The following UBE3A variants were observed in gnomAD, a reference collection of about 807,000 sequenced individuals.
UBE3A encodes the protein ubiquitin-protein ligase E3A.
Under a neutral mutation model 83.4 loss-of-function variants are expected in UBE3A, and 6 were observed. The ratio of observed to expected loss-of-function variants is 0.07; its 90% CI spans 0.04 to 0.14. The LOEUF (loss-of-function observed/expected upper bound fraction) is 0.14. Among genes scored for constraint, UBE3A ranks in the 10% least tolerant of loss-of-function variants. The pLI, the probability that UBE3A is intolerant of heterozygous loss-of-function variation, is 1.00. For missense variants in UBE3A, 456 were observed against 1,036.1 expected (o/e 0.44, Z 7.69); for synonymous variants, 337 against 355.4 (o/e 0.95, Z 0.58).
intron 1 of UBE3A, among the ~76,000 whole-genome samples, chr15:25,434,947 A>C (rs1205924036): frequency 6.6e-6 from 1 of 150,480 alleles, no homozygotes; most frequent in Non-Finnish European, 1.5e-5. Flanking sequence ...TGCCGGAGTA[A>C]AAATTTTAAA....
chr15:25,347,846 A>C (rs1281367185), intron 11 of UBE3A, among the ~76,000 whole-genome samples: 1 of 152,182 alleles, frequency 6.6e-6, no homozygotes, highest in African/African-American at 2.4e-5. Context: ...ACAAATAATA[A>C]AATGGCAGAC....
At chr15:25,369,694 A>C (rs1286513065) in intron 6 of UBE3A, among the ~76,000 whole-genome samples, 2 of 152,170 alleles carry the variant, frequency 1.3e-5, no homozygotes, top group African/African-American at 2.4e-5. Flanking sequence ...GCTCTGCGAT[A>C]ATGCACCTGA....
At chr15:25,372,994 C>CT (rs1247985447) in intron 5 of UBE3A, among the ~76,000 whole-genome samples, 1 of 152,128 alleles carries the variant, frequency 6.6e-6, no homozygotes, top group Non-Finnish European at 1.5e-5. Context: ...TTTTATCATA[C>CT]TAAGGATCTG....
At chr15:25,419,840 G>C (rs1056139739) in intron 1 of UBE3A, among the ~76,000 whole-genome samples, 3 of 151,912 alleles carry the variant, frequency 2.0e-5, no homozygotes, top group Admixed American at 1.3e-4. Context: ...GGTAGATTGA[G>C]GTAAGTTAAA....
At chr15:25,356,989 T>G in intron 7 of UBE3A, 93 bp from the exon 8 acceptor site, 7 of 1,020,322 alleles carry the variant, frequency 6.9e-6, no homozygotes, top group Non-Finnish European at 8.8e-6. Flanking sequence ...ATTATGCATA[T>G]AAAACATTTA....
intron 4 of UBE3A, among the ~76,000 whole-genome samples, chr15:25,403,819 T>C (rs1197353663): frequency 6.6e-6 from 1 of 152,146 alleles, no homozygotes; most frequent in Non-Finnish European, 1.5e-5. Flanking sequence ...TGAAACTTGA[T>C]GACACTGCGA....
At chr15:25,427,450 A>G (rs926692925) in intron 1 of UBE3A, among the ~76,000 whole-genome samples, 1 of 152,012 alleles carries the variant, frequency 6.6e-6, no homozygotes, top group Non-Finnish European at 1.5e-5. Context: ...TAAGGCTCAG[A>G]AAGTAGACAG....
intron 12 of UBE3A, 183 bp downstream of exon 12, chr15:25,339,902 C>T (rs1369401408): frequency 2.3e-5 from 17 of 736,902 alleles, no homozygotes; most frequent in Admixed American, 2.7e-5. Context: ...TTAACTAGGG[C>T]AATTTCTTAA....
chr15:25,357,477 T>A (rs1370466478), intron 7 of UBE3A: 1 of 153,482 alleles, frequency 6.5e-6, no homozygotes, highest in Admixed American at 6.5e-5. Flanking sequence ...GCCTCCTGAG[T>A]AGCTAGGACT....
At chr15:25,359,554 A>T (rs2152725017) in intron 7 of UBE3A, among the ~76,000 whole-genome samples, 1 of 152,042 alleles carries the variant, frequency 6.6e-6, no homozygotes, top group South Asian at 2.1e-4. Context: ...GACATACATT[A>T]TTCTATGCAC....
intron 4 of UBE3A, among the ~76,000 whole-genome samples, chr15:25,405,020 T>C (rs1429999748): frequency 6.6e-6 from 1 of 152,262 alleles, no homozygotes; most frequent in African/African-American, 2.4e-5. Flanking sequence ...GATACCATTC[T>C]ACCTCAGTGA....
intron 4 of UBE3A, among the ~76,000 whole-genome samples, chr15:25,389,781 G>A (rs762921316): frequency 6.6e-6 from 1 of 152,050 alleles, no homozygotes; most frequent in Non-Finnish European, 1.5e-5. Flanking sequence ...CCAGCTACTC[G>A]GGAGGCTGAC....
At chr15:25,339,623 T>C (rs1169135736) in intron 12 of UBE3A, 2 of 275,788 alleles carry the variant, frequency 7.3e-6, no homozygotes, top group East Asian at 9.6e-5. Flanking sequence ...TAACTTCCTC[T>C]AAGGTGGAGA....
At chr15:25,374,000 G>T (rs2080763017) in intron 5 of UBE3A, 1 of 152,142 alleles carries the variant, frequency 6.6e-6, no homozygotes, top group South Asian at 2.1e-4. Context: ...ACAGTTTGGT[G>T]CAGACTACTT....
chr15:25,426,208 A>G (rs759184087), intron 1 of UBE3A, among the ~76,000 whole-genome samples: 1 of 152,232 alleles, frequency 6.6e-6, no homozygotes, highest in Non-Finnish European at 1.5e-5. Flanking sequence ...CTCAACTGTC[A>G]TCTATGAAAA....
chr15:25,414,223 A>C (rs1328846808), intron 1 of UBE3A, among the ~76,000 whole-genome samples: 1 of 152,146 alleles, frequency 6.6e-6, no homozygotes, highest in Non-Finnish European at 1.5e-5. Flanking sequence ...GACTAAAAAA[A>C]TTGGTGCCAT....
At chr15:25,436,600 A>G (rs1467816322) in intron 1 of UBE3A, among the ~76,000 whole-genome samples, 2 of 152,218 alleles carry the variant, frequency 1.3e-5, no homozygotes, top group Non-Finnish European at 2.9e-5. Context: ...GAAATTATCT[A>G]AAGTTTAAGA....
intron 6 of UBE3A, among the ~76,000 whole-genome samples, chr15:25,365,319 A>T (rs990120421): frequency 1.3e-5 from 2 of 152,194 alleles, no homozygotes; most frequent in Admixed American, 6.5e-5. Context: ...AAAATCTTAT[A>T]GTTTTCTGAG....
rs763858440 is a variant in UBE3A at position 25,429,686 on chromosome 15, A to AAAAC, written c.-165+8799_-165+8802dup. On this transcript the variant is annotated intron_variant, in intron 1 of 12. Coordinates refer to ENST00000648336, the MANE Select transcript of UBE3A (RefSeq NM_130839.5). ...AATATAGTGAAACTTCATCTCTACA[A>AAAAC]AAACAAACAAACAAACATTTTTTTA... 1.9e-4 allele frequency among the ~76,000 whole-genome samples: 29 copies of AAAAC among 152,040 alleles called. 1 individual carries two copies. Among genetic ancestry groups the AAAAC allele is most frequent in the African/African-American group, 6.3e-4 (26 of 41,476 alleles).
Sources: allele counts gnomAD v4.1 joint callset (sites outside exome capture counted in the v4.1 genomes callset), GRCh38; gene constraint gnomAD v4.1.1; transcripts MANE v1.5; gene names NCBI Gene and HGNC (gene_info 2026-07-23, HGNC 2026-07-21).